Variants in CCDC149 observed in about 807,000 individuals in gnomAD.
The protein encoded by CCDC149 is coiled-coil domain containing 149.
Under a neutral mutation model 59.9 loss-of-function variants are expected in CCDC149, and 45 were observed. The ratio of observed to expected loss-of-function variants is 0.75; its 90% CI spans 0.59 to 0.96. The LOEUF is 0.96. Ranked by LOEUF, CCDC149 falls within the 40% of genes least tolerant of loss-of-function variation. CCDC149 has a pLI of 0.00. For synonymous variants in CCDC149, 245 were observed against 260.6 expected (o/e 0.94, Z 0.58); for missense variants, 584 against 664.7 (o/e 0.88, Z 1.33).
chr4:24,816,417 A>G (rs558134666), intron 12 of CCDC149, among the ~76,000 whole-genome samples: 1 of 152,152 alleles, frequency 6.6e-6, no homozygotes, highest in Non-Finnish European at 1.5e-5. Flanking sequence ...AGATACCCCA[A>G]AATTATACTC....
rs117728335 is a variant in CCDC149, at chr4:24,884,370, C to T, written c.64-7673G>A. Among the ~76,000 whole-genome samples, 14 of 152,280 alleles carry T rather than the reference C, an allele frequency of 9.2e-5. No homozygotes were observed. In the East Asian group the frequency reaches 2.7e-3, roughly 29 times the overall value. On this transcript the variant is annotated intron_variant, in intron 1 of 12. Transcript: ENST00000635206. ...CATACCATGTAGCCTCGGGATGCAG[C>T]GGACTATACCATGTAGGTTTGTGTC...
chr4:24,970,429 C>T (rs77226966), intron 1 of CCDC149, among the ~76,000 whole-genome samples: 2,766 of 152,280 alleles, frequency 0.018, 83 homozygotes, highest in African/African-American at 0.063. Context: ...GGTGCACCCA[C>T]CCCCTGGCTA....
intron 1 of CCDC149, among the ~76,000 whole-genome samples, chr4:24,974,012 T>G (rs1724067175): frequency 6.6e-6 from 1 of 152,216 alleles, no homozygotes; most frequent in African/African-American, 2.4e-5. Flanking sequence ...CAGTTGCGCC[T>G]CTGCTTCGGA....
chr4:24,975,130 C>T (rs926905264), intron 1 of CCDC149, among the ~76,000 whole-genome samples: 5 of 152,022 alleles, frequency 3.3e-5, no homozygotes, highest in African/African-American at 1.2e-4. Flanking sequence ...TCATGAGATG[C>T]CAGCACCTTG....
chr4:24,831,481 C>G lies in CCDC149; in HGVS notation c.965+25G>C, dbSNP rs369356428. 2.5e-5 allele frequency: 40 copies of G among 1,612,542 alleles called. 1 individual carries two copies. The South Asian group carries it at 3.5e-4, about 14-fold the overall frequency. On this transcript the variant is annotated intron_variant, in intron 9 of 12. Coordinates refer to ENST00000635206, the MANE Select transcript of CCDC149 (RefSeq NM_001330643.2). The stretch of plus-strand genomic sequence containing the variant: ...GTCCCACTTCCTTCGCGCCCACCCC[C>G]CAACACAAGAGTTTGGCCACCTACT...
At chr4:24,848,666 T>A (rs920970069) in intron 4 of CCDC149, among the ~76,000 whole-genome samples, 2 of 152,078 alleles carry the variant, frequency 1.3e-5, no homozygotes, top group African/African-American at 4.8e-5. Flanking sequence ...AGAAGCCACA[T>A]ACTGCTTCTT....
Position 24,808,394 on chromosome 4 carries a change from T to C in CCDC149, c.1618A>G (p.Thr540Ala). 1 of 1,448,574 alleles carries C rather than the reference T, an allele frequency of 6.9e-7. No individual in the cohort carries two copies. The highest frequency in any genetic ancestry group is 1.5e-5 in the South Asian group (1 of 65,532). The allele number at this position is 1,448,574 out of a possible 1,614,324, so 89.7% of individuals were successfully genotyped here. A position where few individuals can be genotyped will look rare whatever the true frequency, so the allele number is the denominator to read the frequency against. Reference sequence around the variant, plus strand: ...GTGTCAGATCCCTCTCCCCTTCAGGTTTTCACGGTGCTCCTCATGCCTCCG... The same window carrying C: ...GTGTCAGATCCCTCTCCCCTTCAGGCTTTCACGGTGCTCCTCATGCCTCCG... The change falls in exon 13 of 13, where the codon ACC (threonine) becomes GCC (alanine). Residue 540 changes from threonine to alanine, a missense_variant. By Grantham distance (58) the Thr-to-Ala change is moderately conservative. Coordinates refer to ENST00000635206, the MANE Select transcript of CCDC149 (RefSeq NM_001330643.2).
At chr4:24,947,298 G>A (rs996827210) in intron 1 of CCDC149, among the ~76,000 whole-genome samples, 1 of 152,144 alleles carries the variant, frequency 6.6e-6, no homozygotes, top group African/African-American at 2.4e-5. Context: ...GATAGTGAGT[G>A]AGTTCTCATG....
chr4:24,926,918 C>A (rs2109339542), intron 1 of CCDC149, among the ~76,000 whole-genome samples: 1 of 152,296 alleles, frequency 6.6e-6, no homozygotes, highest in East Asian at 1.9e-4. Context: ...CGCAGCATGG[C>A]AGCCTCAGGA....
intron 12 of CCDC149, among the ~76,000 whole-genome samples, chr4:24,809,833 C>T (rs923993672): frequency 4.6e-5 from 7 of 152,126 alleles, no homozygotes; most frequent in Admixed American, 1.3e-4. Flanking sequence ...ATCATATATG[C>T]GCAGGTATGT....
intron 1 of CCDC149, among the ~76,000 whole-genome samples, chr4:24,971,704 C>A (rs1723976498): frequency 1.3e-5 from 2 of 152,170 alleles, no homozygotes; most frequent in African/African-American, 4.8e-5. Flanking sequence ...TAAAGTTAAC[C>A]TGAAAAACAA....
intron 3 of CCDC149, among the ~76,000 whole-genome samples, chr4:24,855,574 C>CAAAA (rs10639019): frequency 1.5e-5 from 2 of 132,730 alleles, no homozygotes; most frequent in East Asian, 2.2e-4. Flanking sequence ...GACTCTGTCT[C>CAAAA]AAAAAAAAAA....
chr4:24,894,975 G>A (rs1237894386), intron 1 of CCDC149: 3 of 1,535,960 alleles, frequency 2.0e-6, no homozygotes, highest in East Asian at 2.4e-5. Flanking sequence ...TCCCATGCAG[G>A]CATGGTTTGT....
intron 4 of CCDC149, among the ~76,000 whole-genome samples, chr4:24,851,758 A>G (rs537779022): frequency 1.3e-5 from 2 of 152,084 alleles, no homozygotes; most frequent in African/African-American, 4.8e-5. Context: ...CCCTCCTGCT[A>G]TCACTTGAGG....
intron 1 of CCDC149, among the ~76,000 whole-genome samples, chr4:24,936,706 C>G (rs1395313643): frequency 6.7e-6 from 1 of 150,006 alleles, no homozygotes; most frequent in African/African-American, 2.5e-5. Flanking sequence ...CACAGTCCCC[C>G]ATTAGGGCAG....
chr4:24,887,918 C>T (rs1482014370), intron 1 of CCDC149, among the ~76,000 whole-genome samples: 1 of 152,178 alleles, frequency 6.6e-6, no homozygotes, highest in East Asian at 1.9e-4. Context: ...TCCCGCCCTC[C>T]ATGTTCCTGT....
chr4:24,855,418 T>C (rs560987869), intron 3 of CCDC149, among the ~76,000 whole-genome samples: 10 of 151,990 alleles, frequency 6.6e-5, no homozygotes, highest in African/African-American at 2.4e-4. Context: ...ATACAGAAAT[T>C]AGCCAGGCAT....
intron 1 of CCDC149, among the ~76,000 whole-genome samples, chr4:24,960,453 T>C (rs548601051): frequency 5.9e-4 from 90 of 152,256 alleles, no homozygotes; most frequent in African/African-American, 2.1e-3. Flanking sequence ...ATATCCCAAA[T>C]AAAATCAGAT....
rs1577505844 is a variant in CCDC149, at chr4:24,957,222, C to T, written c.-65+22847G>A. ...TGTTAAATCCACCAAGCAACAAAAT[C>T]AGGCACATCCAGGGACCTTCCATTG... is the stretch of plus-strand genomic sequence containing the variant. On this transcript the variant is annotated intron_variant, in intron 1 of 12. Transcript: ENST00000389609. Among the ~76,000 whole-genome samples the T allele has an allele frequency of 2.0e-5, 3 of 152,200 alleles. No individual in the cohort carries two copies. The East Asian group carries it at 5.8e-4, about 29-fold the overall frequency.
Sources: allele counts gnomAD v4.1 joint callset (sites outside exome capture counted in the v4.1 genomes callset), GRCh38; gene constraint gnomAD v4.1.1; transcripts MANE v1.5; gene names NCBI Gene and HGNC (gene_info 2026-07-23, HGNC 2026-07-21).